Variants in MFHAS1 observed in about 807,000 individuals in gnomAD.
MFHAS1 encodes the protein multifunctional ROCO family signaling regulator 1.
A neutral mutation model predicts 70.4 loss-of-function variants in MFHAS1; 50 were observed. That is an observed-to-expected ratio of 0.71 (90% CI 0.57 to 0.90). The LOEUF (loss-of-function observed/expected upper bound fraction) is 0.90. Ranked by LOEUF, MFHAS1 falls within the 40% of genes least tolerant of loss-of-function variation. MFHAS1 has a pLI of 0.00. For synonymous variants in MFHAS1, 952 were observed against 620.0 expected, an observed-to-expected ratio of 1.54 and a Z score of -7.96; for missense variants, 1,795 against 1,347.6, an observed-to-expected ratio of 1.33 and a Z score of -5.20.
chr8:8,821,927 C>T (rs1563189432), intron 1 of MFHAS1: 1 of 152,320 alleles, frequency 6.6e-6, no homozygotes, highest in Non-Finnish European at 1.5e-5. Flanking sequence ...CCAGCTCTGC[C>T]ATCTCCTAGC....
intron 1 of MFHAS1, among the ~76,000 whole-genome samples, chr8:8,845,244 C>G (rs1375292674): frequency 6.6e-6 from 1 of 152,168 alleles, no homozygotes; most frequent in Non-Finnish European, 1.5e-5. Context: ...TAGGTTAGTT[C>G]ACATAAAAGT....
intron 2 of MFHAS1, among the ~76,000 whole-genome samples, chr8:8,794,351 C>A (rs1333729425): frequency 6.6e-6 from 1 of 152,210 alleles, no homozygotes; most frequent in Non-Finnish European, 1.5e-5. Flanking sequence ...AGCACAGATT[C>A]TTTGCCAGCT....
chr8:8,893,086 G>A lies in MFHAS1; in HGVS notation c.-28C>T, dbSNP rs1483854588. The A allele has an allele frequency of 7.0e-7, 1 of 1,428,508 alleles. No individual in the cohort carries two copies. The highest frequency in any genetic ancestry group is 9.1e-7 in the Non-Finnish European group (1 of 1,095,152). 88.5% of individuals were successfully genotyped at this position (1,428,508 alleles called of 1,614,324 possible). ...CGGGGCCCCGGGCCGACAGCCTCAC[G>A]CGGACGCGGGAGCCCGCAGCTACAT... is the stretch of plus-strand genomic sequence containing the variant. On this transcript the variant is annotated 5_prime_UTR_variant, in exon 1 of 3. Coordinates refer to ENST00000276282, the MANE Select transcript of MFHAS1 (RefSeq NM_004225.3).
At chr8:8,868,726 C>T (rs778717787) in intron 1 of MFHAS1, among the ~76,000 whole-genome samples, 4 of 152,132 alleles carry the variant, frequency 2.6e-5, no homozygotes, top group Non-Finnish European at 5.9e-5. Flanking sequence ...CTCATAAAGT[C>T]GGTAGTAACC....
intron 1 of MFHAS1, among the ~76,000 whole-genome samples, chr8:8,842,232 C>A (rs1481543875): frequency 3.3e-5 from 5 of 152,010 alleles, no homozygotes; most frequent in African/African-American, 2.4e-5. Context: ...GTTGCCCAGG[C>A]TGGAGTGCGG....
chr8:8,826,398 A>T (rs1807164517), intron 1 of MFHAS1, among the ~76,000 whole-genome samples: 1 of 152,118 alleles, frequency 6.6e-6, no homozygotes, highest in South Asian at 2.1e-4. Flanking sequence ...GATTCCCTGA[A>T]GGTCTGGGTA....
chr8:8,854,127 T>C (rs1808344671), intron 1 of MFHAS1, among the ~76,000 whole-genome samples: 1 of 152,168 alleles, frequency 6.6e-6, no homozygotes, highest in South Asian at 2.1e-4. Context: ...CTGGGTGTGG[T>C]GGCTCACAGC....
intron 1 of MFHAS1, among the ~76,000 whole-genome samples, chr8:8,881,502 A>G (rs948886275): frequency 1.3e-5 from 2 of 151,994 alleles, no homozygotes; most frequent in South Asian, 2.1e-4. Context: ...TTCCACCTCC[A>G]CCATCAGACC....
At chr8:8,831,387 C>G (rs991305927) in intron 1 of MFHAS1, among the ~76,000 whole-genome samples, 2 of 151,916 alleles carry the variant, frequency 1.3e-5, no homozygotes. Context: ...AAAGTTTGAT[C>G]GAATAAATCC....
chr8:8,855,626 C>T (rs1466926342), intron 1 of MFHAS1, among the ~76,000 whole-genome samples: 11 of 152,220 alleles, frequency 7.2e-5, no homozygotes, highest in South Asian at 2.1e-4. Context: ...TAGGCCGAGG[C>T]GGGTGGATTA....
chr8:8,862,813 T>A (rs1462810442), intron 1 of MFHAS1, among the ~76,000 whole-genome samples: 1 of 152,196 alleles, frequency 6.6e-6, no homozygotes. Flanking sequence ...AGGCTGCGCA[T>A]GTGTGGGGAC....
chr8:8,888,257 GCAA>G (rs1327093747), intron 1 of MFHAS1, among the ~76,000 whole-genome samples: 1 of 152,126 alleles, frequency 6.6e-6, no homozygotes, highest in Admixed American at 6.6e-5. Flanking sequence ...TAGATCCAGG[GCAA>G]CGGAAAGATG....
intron 1 of MFHAS1, among the ~76,000 whole-genome samples, chr8:8,886,097 G>A (rs1177011731): frequency 3.3e-5 from 5 of 151,942 alleles, no homozygotes; most frequent in Admixed American, 6.6e-5. Context: ...TTTTAAATAA[G>A]ACAAATAGGT....
chr8:8,832,688 G>C (rs572196821), intron 1 of MFHAS1, among the ~76,000 whole-genome samples: 1 of 140,940 alleles, frequency 7.1e-6, no homozygotes, highest in South Asian at 2.3e-4. Flanking sequence ...GAGTGTGGTG[G>C]CTCAATCATA....
At chr8:8,812,869 C>T (rs185505481) in intron 1 of MFHAS1, among the ~76,000 whole-genome samples, 1 of 152,112 alleles carries the variant, frequency 6.6e-6, no homozygotes, top group East Asian at 1.9e-4. Context: ...TGGGTTCAAG[C>T]GATTCTCTGG....
chr8:8,855,084 T>G, intron 1 of MFHAS1, among the ~76,000 whole-genome samples: 1 of 152,056 alleles, frequency 6.6e-6, no homozygotes. Flanking sequence ...TATGGGGGGT[T>G]TGGTTCTAGG....
At chr8:8,787,857 G>A (rs757832680) in intron 2 of MFHAS1, among the ~76,000 whole-genome samples, 1 of 152,348 alleles carries the variant, frequency 6.6e-6, no homozygotes, top group Middle Eastern at 3.4e-3. Flanking sequence ...AGGACACCTA[G>A]ACGGAAAATC....
chr8:8,785,962 A>C lies in MFHAS1; in HGVS notation c.*60T>G. 1 of 1,577,588 alleles carries C rather than the reference A, an allele frequency of 6.3e-7. No homozygotes were observed. Among genetic ancestry groups the C allele is most frequent in the Non-Finnish European group, 8.7e-7 (1 of 1,146,840 alleles). ...AGTGCAGAGGGTCTGCCAGGTGCAA[A>C]AGATGGTCCAGGTGTTCAGATGCTC... On this transcript the variant is annotated 3_prime_UTR_variant, in exon 3 of 3. Coordinates refer to ENST00000276282, the MANE Select transcript of MFHAS1 (RefSeq NM_004225.3).
chr8:8,810,875 G>T (rs1168736346), intron 1 of MFHAS1, among the ~76,000 whole-genome samples: 2 of 152,140 alleles, frequency 1.3e-5, no homozygotes, highest in Non-Finnish European at 2.9e-5. Context: ...TCCAAGGAAG[G>T]GGAGGAAGGA....
Sources: allele counts gnomAD v4.1 joint callset (sites outside exome capture counted in the v4.1 genomes callset), GRCh38; gene constraint gnomAD v4.1.1; transcripts MANE v1.5; gene names NCBI Gene and HGNC (gene_info 2026-07-23, HGNC 2026-07-21).